Variants in FBXO4 observed in about 807,000 individuals in gnomAD.
FBXO4 encodes F-box protein 4.
A neutral mutation model predicts 43.7 loss-of-function variants in FBXO4; 36 were observed. That is an observed-to-expected ratio of 0.82 (90% CI 0.63 to 1.09). The LOEUF (loss-of-function observed/expected upper bound fraction) is 1.09, where lower values mean the gene tolerates loss of function less well. Among genes scored for constraint, FBXO4 ranks in the 50% least tolerant of loss-of-function variants. FBXO4 has a pLI of 0.00. For synonymous variants in FBXO4, 180 were observed against 165.6 expected (o/e 1.09, Z -0.67); for missense variants, 435 against 474.1 (o/e 0.92, Z 0.77).
the FBXO4 span, among the ~76,000 whole-genome samples, chr5:41,980,065 C>T: frequency 8.5e-5 from 13 of 152,130 alleles, no homozygotes; most frequent in African/African-American, 2.9e-4. Context: ...TTAGTGCAAA[C>T]TTAATATAGG....
At chr5:42,029,604 A>T in the FBXO4 span, among the ~76,000 whole-genome samples, 3 of 151,888 alleles carry the variant, frequency 2.0e-5, no homozygotes, top group East Asian at 5.8e-4. Context: ...TATTTTATAG[A>T]TTCTGTAGGT....
At chr5:41,930,994 G>A (rs1402319094) in intron 3 of FBXO4, among the ~76,000 whole-genome samples, 1 of 152,234 alleles carries the variant, frequency 6.6e-6, no homozygotes, top group Admixed American at 6.5e-5. Context: ...TCTGGATGTA[G>A]AGGACACATT....
At chr5:42,009,490 T>C in the FBXO4 span, among the ~76,000 whole-genome samples, 1 of 152,078 alleles carries the variant, frequency 6.6e-6, no homozygotes, top group Non-Finnish European at 1.5e-5. Context: ...TTTTCTACTT[T>C]TGTTATCTGA....
the FBXO4 span, among the ~76,000 whole-genome samples, chr5:42,002,319 T>C: frequency 6.6e-6 from 1 of 152,210 alleles, no homozygotes; most frequent in Non-Finnish European, 1.5e-5. Flanking sequence ...AATAAGTGCC[T>C]GCCGCACAAT....
intron 2 of FBXO4, among the ~76,000 whole-genome samples, chr5:41,929,028 A>G (rs183074128): frequency 8.5e-4 from 129 of 152,296 alleles, no homozygotes; most frequent in African/African-American, 2.9e-3. Flanking sequence ...CTAAACTGTT[A>G]TATTTGAGGC....
the FBXO4 span, among the ~76,000 whole-genome samples, chr5:41,958,123 G>A: frequency 8.8e-4 from 130 of 147,514 alleles, 1 homozygote; most frequent in Non-Finnish European, 5.9e-4. Flanking sequence ...AATCTAGTCT[G>A]TTAACAAATT....
the FBXO4 span, among the ~76,000 whole-genome samples, chr5:41,998,841 C>G: frequency 5.3e-5 from 8 of 152,128 alleles, no homozygotes; most frequent in Non-Finnish European, 1.2e-4. Flanking sequence ...ACTATTTCAG[C>G]TCTTTCTCTA....
intron 5 of FBXO4, among the ~76,000 whole-genome samples, chr5:41,939,092 A>G (rs949749942): frequency 6.6e-6 from 1 of 152,238 alleles, no homozygotes; most frequent in Non-Finnish European, 1.5e-5. Flanking sequence ...AGGCTATCTT[A>G]AAATTCTGCC....
At chr5:41,965,076 G>A in the FBXO4 span, among the ~76,000 whole-genome samples, 1 of 152,094 alleles carries the variant, frequency 6.6e-6, no homozygotes, top group Admixed American at 6.5e-5. Flanking sequence ...TGTAAGGAAG[G>A]GATCCAGTTT....
At chr5:41,955,624 G>A in the FBXO4 span, among the ~76,000 whole-genome samples, 93 of 152,292 alleles carry the variant, frequency 6.1e-4, no homozygotes, top group East Asian at 0.016. Flanking sequence ...CGAGGCCACA[G>A]GAGTTAAAGT....
chr5:41,993,968 G>A, the FBXO4 span, among the ~76,000 whole-genome samples: 9 of 152,170 alleles, frequency 5.9e-5, no homozygotes, highest in East Asian at 1.5e-3. Flanking sequence ...ATGTCCTTTG[G>A]CAACATCCTC....
chr5:41,932,203 G>T (rs1751705501), intron 3 of FBXO4, among the ~76,000 whole-genome samples: 1 of 152,224 alleles, frequency 6.6e-6, no homozygotes. Context: ...CACTCAGCAA[G>T]ACGAGAGAAT....
At chr5:42,005,040 G>T in the FBXO4 span, among the ~76,000 whole-genome samples, 1 of 152,092 alleles carries the variant, frequency 6.6e-6, no homozygotes, top group African/African-American at 2.4e-5. Context: ...GCAGGGGGGT[G>T]GGTAATATAA....
At chr5:41,944,735 C>T (rs1340564076), downstream of FBXO4, among the ~76,000 whole-genome samples, 1 of 152,182 alleles carries the variant, frequency 6.6e-6, no homozygotes, top group Non-Finnish European at 1.5e-5. Flanking sequence ...ACCAAAACAA[C>T]AGCAATTTAG....
intron 1 of FBXO4, among the ~76,000 whole-genome samples, chr5:41,926,594 A>G (rs181609893): frequency 1.3e-5 from 2 of 152,336 alleles, no homozygotes; most frequent in African/African-American, 4.8e-5. Context: ...AGACAAATGT[A>G]CACTCTTTGA....
At chr5:42,003,356 A>G in the FBXO4 span, among the ~76,000 whole-genome samples, 7 of 152,194 alleles carry the variant, frequency 4.6e-5, no homozygotes, top group Admixed American at 2.6e-4. Context: ...AACTACAGAC[A>G]CTTAAGAATG....
the FBXO4 span, among the ~76,000 whole-genome samples, chr5:41,950,524 C>T: frequency 2.0e-3 from 312 of 152,264 alleles, 1 homozygote; most frequent in Middle Eastern, 0.017. Context: ...TACCATCTCA[C>T]GCCAGTTAGA....
At chr5:41,959,409 T>C in the FBXO4 span, among the ~76,000 whole-genome samples, 1 of 151,968 alleles carries the variant, frequency 6.6e-6, no homozygotes, top group East Asian at 1.9e-4. Context: ...AGAATTCTAT[T>C]TATCTTCTTG....
chr5:41,993,739 C>G, the FBXO4 span, among the ~76,000 whole-genome samples: 2 of 151,508 alleles, frequency 1.3e-5, no homozygotes, highest in Non-Finnish European at 2.9e-5. Flanking sequence ...AGCTGAGGAG[C>G]AAGGAGAGTC....
Sources: allele counts gnomAD v4.1 joint callset (sites outside exome capture counted in the v4.1 genomes callset), GRCh38; gene constraint gnomAD v4.1.1; transcripts MANE v1.5; gene names NCBI Gene and HGNC (gene_info 2026-07-23, HGNC 2026-07-21).